Variants in C8orf34 observed in about 807,000 individuals in gnomAD.
C8orf34 encodes chromosome 8 open reading frame 34.
A neutral mutation model predicts 68.3 loss-of-function variants in C8orf34; 65 were observed. The observed-to-expected ratio is 0.95, with a 90% confidence interval of 0.78 to 1.17. The LOEUF is 1.17. Ranked by LOEUF, C8orf34 falls within the 50% of genes most tolerant of loss-of-function variation. The probability of loss-of-function intolerance (pLI) is 0.00; values close to 1 mark genes in which losing one functional copy is unlikely to be tolerated. For missense variants in C8orf34, 664 were observed against 655.4 expected (o/e 1.01, Z -0.14); for synonymous variants, 244 against 241.2 (o/e 1.01, Z -0.11).
chr8:68,334,770 T>C (rs1805775131), intron 1 of C8orf34, among the ~76,000 whole-genome samples: 1 of 152,206 alleles, frequency 6.6e-6, no homozygotes, highest in South Asian at 2.1e-4. Context: ...TCTGTTCCAC[T>C]CAAAGTGCTT....
intron 12 of C8orf34, among the ~76,000 whole-genome samples, chr8:68,812,075 A>T (rs1352789508): frequency 6.6e-6 from 1 of 152,214 alleles, no homozygotes; most frequent in Non-Finnish European, 1.5e-5. Flanking sequence ...AACATAAGGG[A>T]AAACAACATA....
intron 8 of C8orf34, among the ~76,000 whole-genome samples, chr8:68,669,459 T>G (rs2130836672): frequency 6.6e-6 from 1 of 152,334 alleles, no homozygotes; most frequent in South Asian, 2.1e-4. Flanking sequence ...TGTACCCATT[T>G]ACTTATTCGT....
chr8:68,590,206 G>T (rs573384551), intron 7 of C8orf34, among the ~76,000 whole-genome samples: 1 of 141,674 alleles, frequency 7.1e-6, no homozygotes, highest in Non-Finnish European at 1.5e-5. Flanking sequence ...AAAGGGGGAG[G>T]GAGGGCAGGA....
intron 8 of C8orf34, among the ~76,000 whole-genome samples, chr8:68,656,846 C>G (rs2130796554): frequency 6.6e-6 from 1 of 152,296 alleles, no homozygotes; most frequent in Admixed American, 6.5e-5. Context: ...TAGATTCTTT[C>G]AGTCCTGATA....
intron 4 of C8orf34, among the ~76,000 whole-genome samples, chr8:68,485,752 T>TAAAA (rs1563478552): frequency 2.3e-4 from 34 of 149,590 alleles, no homozygotes; most frequent in Admixed American, 1.1e-3. Context: ...AATAAATAAA[T>TAAAA]AAAAATAAAT....
intron 10 of C8orf34, among the ~76,000 whole-genome samples, chr8:68,725,857 G>A (rs1246193772): frequency 2.0e-5 from 3 of 151,936 alleles, no homozygotes; most frequent in Non-Finnish European, 4.4e-5. Context: ...ATGAAAAGGA[G>A]ATAAGTATTA....
At chr8:68,466,049 A>AC (rs201369242) in intron 3 of C8orf34, among the ~76,000 whole-genome samples, 39 of 151,568 alleles carry the variant, frequency 2.6e-4, no homozygotes, top group Non-Finnish European at 4.3e-4. Flanking sequence ...TTAAAAAAAA[A>AC]AACAATGAAA....
chr8:68,800,099 G>A lies in C8orf34; in HGVS notation c.1549+12563G>A, dbSNP rs549459050. On this transcript the variant is annotated intron_variant, in intron 12 of 13. Transcript: ENST00000518698. Reference sequence around the variant, plus strand: ...CATGAGAAGAGCAGAGAGGGTCCAGGTTGTAAAGATAAGAAGTGTGAATTG... The same window carrying A: ...CATGAGAAGAGCAGAGAGGGTCCAGATTGTAAAGATAAGAAGTGTGAATTG... 5.3e-5 allele frequency among the ~76,000 whole-genome samples: 8 copies of A among 152,294 alleles called. No individual in the cohort carries two copies. The South Asian group carries it at 1.4e-3, about 28-fold the overall frequency.
intron 10 of C8orf34, among the ~76,000 whole-genome samples, chr8:68,746,558 A>G (rs1822502676): frequency 7.3e-6 from 1 of 136,396 alleles, no homozygotes; most frequent in African/African-American, 2.8e-5. Context: ...GGATATCACC[A>G]CCGATCCCAC....
chr8:68,634,991 G>A (rs1045925751), intron 7 of C8orf34, among the ~76,000 whole-genome samples: 3 of 152,056 alleles, frequency 2.0e-5, no homozygotes, highest in South Asian at 4.1e-4. Flanking sequence ...CTGACTCTAG[G>A]GTTCTCTGTT....
intron 1 of C8orf34, among the ~76,000 whole-genome samples, chr8:68,359,803 G>A (rs1806907661): frequency 6.6e-6 from 1 of 152,048 alleles, no homozygotes; most frequent in Non-Finnish European, 1.5e-5. Context: ...AAGCACAAAG[G>A]GACATGAAAA....
At chr8:68,779,243 T>C (rs1303325452) in intron 11 of C8orf34, among the ~76,000 whole-genome samples, 2 of 149,014 alleles carry the variant, frequency 1.3e-5, no homozygotes, top group Non-Finnish European at 3.0e-5. Context: ...CCCAGACGAA[T>C]AACTGGGAAG....
chr8:68,418,826 C>T (rs1241774608), intron 1 of C8orf34, among the ~76,000 whole-genome samples: 2 of 152,080 alleles, frequency 1.3e-5, no homozygotes, highest in East Asian at 3.9e-4. Context: ...ATACAAAAAT[C>T]AGTTCAAGAT....
intron 1 of C8orf34, among the ~76,000 whole-genome samples, chr8:68,384,203 T>C (rs1808158702): frequency 6.6e-6 from 1 of 152,244 alleles, no homozygotes; most frequent in African/African-American, 2.4e-5. Flanking sequence ...AATGTCAATA[T>C]AGAGTTCTCA....
intron 8 of C8orf34, among the ~76,000 whole-genome samples, chr8:68,669,861 C>T (rs924055768): frequency 6.6e-6 from 1 of 152,190 alleles, no homozygotes; most frequent in Non-Finnish European, 1.5e-5. Context: ...TTCAGGCCCC[C>T]TTTGTCTAAC....
intron 7 of C8orf34, among the ~76,000 whole-genome samples, chr8:68,543,938 T>C (rs896381093): frequency 6.6e-6 from 1 of 152,088 alleles, no homozygotes; most frequent in Non-Finnish European, 1.5e-5. Flanking sequence ...ATAAACAAGG[T>C]GAGCTCTGTG....
At chr8:68,420,012 A>AC (rs1809886278) in intron 1 of C8orf34, among the ~76,000 whole-genome samples, 3 of 151,770 alleles carry the variant, frequency 2.0e-5, no homozygotes, top group Admixed American at 1.3e-4. Flanking sequence ...ACAAAAAAAA[A>AC]AGAAAAGAAA....
At chr8:68,394,522 T>G (rs1808612720) in intron 1 of C8orf34, among the ~76,000 whole-genome samples, 1 of 152,044 alleles carries the variant, frequency 6.6e-6, no homozygotes, top group Admixed American at 6.6e-5. Flanking sequence ...AAGTCTTTGC[T>G]ATTGTGAATA....
intron 10 of C8orf34, among the ~76,000 whole-genome samples, chr8:68,731,604 A>C (rs1821979944): frequency 6.6e-6 from 1 of 151,890 alleles, no homozygotes; most frequent in African/African-American, 2.4e-5. Context: ...TTTTCCCACT[A>C]TGGTTTTGTT....
Sources: allele counts gnomAD v4.1 joint callset (sites outside exome capture counted in the v4.1 genomes callset), GRCh38; gene constraint gnomAD v4.1.1; transcripts MANE v1.5; gene names NCBI Gene and HGNC (gene_info 2026-07-23, HGNC 2026-07-21).